Variants in PRKN observed in about 807,000 individuals in gnomAD.
PRKN encodes the protein parkin RBR E3 ubiquitin protein ligase, also known as E3 ubiquitin-protein ligase parkin.
PRKN carries 56 observed loss-of-function variants against 59.5 expected under a neutral mutation model. That is an observed-to-expected ratio of 0.94 (90% CI 0.76 to 1.18). The LOEUF is 1.18. PRKN is among the 50% of genes most tolerant of loss of function. PRKN has a pLI of 0.00. For synonymous variants in PRKN, 250 were observed against 222.1 expected, an observed-to-expected ratio of 1.13 and a Z score of -1.12; for missense variants, 657 against 596.4, an observed-to-expected ratio of 1.10 and a Z score of -1.06.
At chr6:161,408,192 A>G (rs2114995896) in intron 9 of PRKN, among the ~76,000 whole-genome samples, 2 of 152,254 alleles carry the variant, frequency 1.3e-5, no homozygotes, top group South Asian at 2.1e-4. Context: ...TGGGAAAATT[A>G]TCATCATTCC....
At chr6:162,260,444 G>C (rs1274456318) in intron 3 of PRKN, among the ~76,000 whole-genome samples, 1 of 152,134 alleles carries the variant, frequency 6.6e-6, no homozygotes, top group Non-Finnish European at 1.5e-5. Context: ...GAGAATATTA[G>C]ACATTTAGCA....
intron 6 of PRKN, among the ~76,000 whole-genome samples, chr6:161,868,266 G>T (rs773309440): frequency 6.1e-5 from 9 of 146,368 alleles, no homozygotes; most frequent in Non-Finnish European, 8.8e-5. Context: ...AAAATAAGAG[G>T]TGATTGTTAC....
intron 9 of PRKN, among the ~76,000 whole-genome samples, chr6:161,430,352 A>T (rs563886698): frequency 6.6e-6 from 1 of 152,192 alleles, no homozygotes; most frequent in African/African-American, 2.4e-5. Context: ...TACACTGACA[A>T]TTGAAGTTCA....
chr6:161,860,987 G>A (rs1296137043), intron 6 of PRKN, among the ~76,000 whole-genome samples: 2 of 152,174 alleles, frequency 1.3e-5, no homozygotes, highest in African/African-American at 4.8e-5. Flanking sequence ...TGGTGGGAGT[G>A]TAAATTAGTT....
At chr6:162,093,385 G>C (rs1372664602) in intron 4 of PRKN, among the ~76,000 whole-genome samples, 1 of 152,118 alleles carries the variant, frequency 6.6e-6, no homozygotes, top group Non-Finnish European at 1.5e-5. Flanking sequence ...GGCAGTTCCT[G>C]CACTTTCTTC....
At chr6:162,155,284 C>T (rs1385011506) in intron 4 of PRKN, among the ~76,000 whole-genome samples, 2 of 152,114 alleles carry the variant, frequency 1.3e-5, no homozygotes, top group Non-Finnish European at 2.9e-5. Flanking sequence ...TGCCATATTG[C>T]TATTTTAATT....
chr6:162,026,515 C>A (rs532711630), intron 5 of PRKN, among the ~76,000 whole-genome samples: 1 of 152,264 alleles, frequency 6.6e-6, no homozygotes, highest in African/African-American at 2.4e-5. Context: ...TTTCAGCCAC[C>A]TCAACTTTCC....
intron 7 of PRKN, among the ~76,000 whole-genome samples, chr6:161,727,565 C>T (rs1787494893): frequency 6.6e-6 from 1 of 152,184 alleles, no homozygotes; most frequent in Non-Finnish European, 1.5e-5. Flanking sequence ...AGCATGACTT[C>T]CTGGATTCGC....
intron 1 of PRKN, among the ~76,000 whole-genome samples, chr6:162,560,561 T>A (rs1779791627): frequency 6.6e-6 from 1 of 152,134 alleles, no homozygotes; most frequent in African/African-American, 2.4e-5. Context: ...AGAAATGAAG[T>A]GATTTTTAAT....
intron 2 of PRKN, among the ~76,000 whole-genome samples, chr6:162,296,218 C>T (rs573361341): frequency 2.6e-4 from 38 of 143,964 alleles, no homozygotes; most frequent in African/African-American, 9.3e-4. Flanking sequence ...CCCATCCCCC[C>T]ACCCCCTTCT....
Position 161,347,613 on chromosome 6 carries a change from G to GTTTTTTTTTTTTTTTTTTTTTTTTTTT in PRKN, c.*2485_*2486insAAAAAAAAAAAAAAAAAAAAAAAAAAA, listed in dbSNP as rs763588687. On this transcript the variant is annotated 3_prime_UTR_variant, in exon 12 of 12. Transcript: ENST00000366898. Reference sequence around the variant, plus strand: ...GTGTAGTGGATGATCTTGCTTTTTTGTTTTTGTTTTTTTTTTTTTTTTGAG... The same window carrying GTTTTTTTTTTTTTTTTTTTTTTTTTTT: ...GTGTAGTGGATGATCTTGCTTTTTTGTTTTTTTTTTTTTTTTTTTTTTTTTTTTTTTTGTTTTTTTTTTTTTTTTGAG... 1.7e-5 allele frequency: 2 copies of GTTTTTTTTTTTTTTTTTTTTTTTTTTT among 119,274 alleles called. No individual in the cohort carries two copies. The highest frequency in any genetic ancestry group is 1.7e-5 in the Non-Finnish European group (1 of 58,082). 7.4% of individuals were successfully genotyped at this position (119,274 alleles called of 1,614,324 possible).
intron 10 of PRKN, among the ~76,000 whole-genome samples, chr6:161,366,319 A>G (rs1044437511): frequency 6.6e-6 from 1 of 152,146 alleles, no homozygotes; most frequent in Non-Finnish European, 1.5e-5. Flanking sequence ...AGGCACCCTC[A>G]TGTCCACAGG....
intron 4 of PRKN, among the ~76,000 whole-genome samples, chr6:162,125,251 C>T (rs972886972): frequency 3.3e-5 from 5 of 152,162 alleles, no homozygotes; most frequent in East Asian, 1.9e-4. Flanking sequence ...AATCCAGCCC[C>T]GGAGCTCCAC....
At chr6:161,882,127 C>T (rs1296108022) in intron 6 of PRKN, among the ~76,000 whole-genome samples, 1 of 152,086 alleles carries the variant, frequency 6.6e-6, no homozygotes, top group African/African-American at 2.4e-5. Context: ...AATACAAAAT[C>T]CAAACAAAAC....
chr6:161,422,215 T>TC (rs1313782550), intron 9 of PRKN, among the ~76,000 whole-genome samples: 1 of 150,914 alleles, frequency 6.6e-6, no homozygotes, highest in African/African-American at 2.4e-5. Flanking sequence ...TTTTTTTTTT[T>TC]TGAGATGGAG....
intron 6 of PRKN, among the ~76,000 whole-genome samples, chr6:161,945,851 A>T (rs1395551554): frequency 6.6e-6 from 1 of 152,176 alleles, no homozygotes; most frequent in African/African-American, 2.4e-5. Context: ...CACACCCTAG[A>T]TTTTAAAGCT....
chr6:161,991,894 T>C (rs1781662635), intron 5 of PRKN, among the ~76,000 whole-genome samples: 1 of 151,920 alleles, frequency 6.6e-6, no homozygotes, highest in Non-Finnish European at 1.5e-5. Context: ...AACTATATGA[T>C]GCCTACAAGA....
intron 9 of PRKN, among the ~76,000 whole-genome samples, chr6:161,392,544 T>C (rs199873875): frequency 2.6e-5 from 4 of 151,826 alleles, no homozygotes; most frequent in South Asian, 2.1e-4. Context: ...TATATATATA[T>C]ACATATATAA....
intron 7 of PRKN, among the ~76,000 whole-genome samples, chr6:161,589,279 G>A (rs564207255): frequency 1.3e-5 from 2 of 152,168 alleles, no homozygotes; most frequent in Non-Finnish European, 2.9e-5. Context: ...ACACCACAGG[G>A]TGGGTCACAC....
Sources: allele counts gnomAD v4.1 joint callset (sites outside exome capture counted in the v4.1 genomes callset), GRCh38; gene constraint gnomAD v4.1.1; transcripts MANE v1.5; gene names NCBI Gene and HGNC (gene_info 2026-07-23, HGNC 2026-07-21).